Variants in NOTCH2NLC observed in about 807,000 individuals in gnomAD.
The protein encoded by NOTCH2NLC is notch homolog 2 N-terminal-like protein C.
A neutral mutation model predicts 17.7 loss-of-function variants in NOTCH2NLC; 4 were observed. The observed-to-expected ratio is 0.23, with a 90% CI of 0.11 to 0.52. NOTCH2NLC has a LOEUF of 0.52. Ranked by LOEUF, NOTCH2NLC falls within the 20% of genes least tolerant of loss-of-function variation. NOTCH2NLC has a pLI of 0.96. For missense variants in NOTCH2NLC, 57 were observed against 207.2 expected, an observed-to-expected ratio of 0.28 and a Z score of 4.45; for synonymous variants, 18 against 86.0, an observed-to-expected ratio of 0.21 and a Z score of 4.38.
Position 149,467,398 on chromosome 1 carries a change from CAA to C in NOTCH2NLC, c.*3246_*3247del, listed in dbSNP as rs1281459686. ...AGTATTTTAGTATTACTGTAGGACTCAAGAGGGAATTAAAACTACAAAAATGA... is the reference window on the plus strand; with the variant it reads ...AGTATTTTAGTATTACTGTAGGACTCGAGGGAATTAAAACTACAAAAATGA... On this transcript the variant is annotated 3_prime_UTR_variant, in exon 5 of 5. Coordinates refer to ENST00000650865, the MANE Select transcript of NOTCH2NLC (RefSeq NM_001364013.2). 1.4e-5 allele frequency: 2 copies of C among 144,878 alleles called. No individual in the cohort carries two copies. Among genetic ancestry groups the C allele is most frequent in the African/African-American group, 5.1e-5 (2 of 39,422 alleles). The allele number at this position is 144,878 out of a possible 1,614,324, so 9.0% of individuals were successfully genotyped here. A position where few individuals can be genotyped will look rare whatever the true frequency, so the allele number is the denominator to read the frequency against.
intron 2 of NOTCH2NLC, among the ~76,000 whole-genome samples, chr1:149,445,560 C>G (rs1218959236): frequency 7.3e-5 from 11 of 149,846 alleles, no homozygotes; most frequent in South Asian, 6.3e-4. Context: ...CAGCTCCCCC[C>G]TCTAGAGCTC....
At position 149,466,362 on chromosome 1, in the gene NOTCH2NLC, C is replaced by T. The variant is rs2084684280; in HGVS notation, c.*2209C>T. ...GCTTTTCAGGGTCCCATAATCTAAA[C>T]CAGATGACTTCAGCTTTGGATAAAT... On this transcript the variant is annotated 3_prime_UTR_variant, in exon 5 of 5. Coordinates refer to ENST00000650865, the MANE Select transcript of NOTCH2NLC (RefSeq NM_001364013.2). The T allele has an allele frequency of 7.0e-6, 1 of 142,344 alleles. No homozygotes were observed. The highest frequency in any genetic ancestry group is 1.5e-5 in the Non-Finnish European group (1 of 64,716). 8.8% of individuals were successfully genotyped at this position (142,344 alleles called of 1,614,324 possible). A position where few individuals can be genotyped will look rare whatever the true frequency, so the allele number is the denominator to read the frequency against.
chr1:149,414,951 A>G (rs1170083774), intron 1 of NOTCH2NLC, among the ~76,000 whole-genome samples: 5 of 132,870 alleles, frequency 3.8e-5, no homozygotes, highest in Non-Finnish European at 6.5e-5. Flanking sequence ...ATTAGGTTGT[A>G]TCTCTCCTTA....
rs1396746133 is a variant in NOTCH2NLC, at chr1:149,470,261, A to G, written c.*6108A>G. Among the ~76,000 whole-genome samples the G allele has an allele frequency of 1.3e-5, 2 of 151,138 alleles. No individual in the cohort carries two copies. Among genetic ancestry groups the G allele is most frequent in the Non-Finnish European group, 3.0e-5 (2 of 67,618 alleles). On this transcript the variant is annotated 3_prime_UTR_variant, in exon 5 of 5. Coordinates refer to ENST00000650865, the MANE Select transcript of NOTCH2NLC (RefSeq NM_001364013.2). ...ACAAATGCTATAATACCACTGACAA[A>G]TAATAATATTAGCTAATATGTGTAA... is the stretch of plus-strand genomic sequence containing the variant.
At chr1:149,461,819 C>T (rs1380532955) in intron 3 of NOTCH2NLC, among the ~76,000 whole-genome samples, 5,658 of 148,872 alleles carry the variant, frequency 0.038, 259 homozygotes, top group Admixed American at 0.059. Flanking sequence ...AGGATGAGTT[C>T]ATGTCCTTTG....
chr1:149,427,492 CTTTTTTTT>C (rs1171198772), intron 1 of NOTCH2NLC, among the ~76,000 whole-genome samples: 1 of 87,340 alleles, frequency 1.1e-5, no homozygotes, highest in African/African-American at 4.8e-5. Context: ...TCTACCACAG[CTTTTTTTT>C]TTTTTTTTTT....
intron 1 of NOTCH2NLC, among the ~76,000 whole-genome samples, chr1:149,415,929 CT>C (rs2101475715): frequency 6.6e-6 from 1 of 150,948 alleles, no homozygotes; most frequent in Non-Finnish European, 1.5e-5. Context: ...TTATTATAGA[CT>C]TATTATAGTT....
chr1:149,445,728 G>C (rs1287988920), intron 2 of NOTCH2NLC, among the ~76,000 whole-genome samples: 1 of 149,322 alleles, frequency 6.7e-6, no homozygotes. Context: ...CAGTGCCGAC[G>C]CAACCCACAT....
intron 2 of NOTCH2NLC, among the ~76,000 whole-genome samples, chr1:149,433,473 T>C (rs1415350899): frequency 6.6e-6 from 1 of 150,782 alleles, no homozygotes; most frequent in Non-Finnish European, 1.5e-5. Flanking sequence ...TTACTTCACA[T>C]AGCATTCAGG....
intron 1 of NOTCH2NLC, among the ~76,000 whole-genome samples, chr1:149,429,528 G>A (rs1376324384): frequency 6.6e-6 from 1 of 150,594 alleles, no homozygotes; most frequent in Non-Finnish European, 1.5e-5. Flanking sequence ...GCTAATTTAT[G>A]TAAAGTACTT....
intron 2 of NOTCH2NLC, among the ~76,000 whole-genome samples, chr1:149,443,587 G>A (rs1311543580): frequency 2.6e-5 from 4 of 151,128 alleles, no homozygotes; most frequent in Non-Finnish European, 5.9e-5. Context: ...TTTAAGTTGA[G>A]ACTTAATGAA....
At chr1:149,460,859 CTTT>C (rs2084641762) in intron 3 of NOTCH2NLC, among the ~76,000 whole-genome samples, 26 of 1,802 alleles carry the variant, frequency 0.014, no homozygotes, top group East Asian at 0.039. Flanking sequence ...TTCTCCCTTT[CTTT>C]CTTTCTTTCT....
intron 3 of NOTCH2NLC, among the ~76,000 whole-genome samples, chr1:149,462,735 G>A (rs1487865838): frequency 6.7e-6 from 1 of 149,740 alleles, no homozygotes; most frequent in Admixed American, 6.7e-5. Context: ...TTGCGCACAT[G>A]TATGTATGTG....
At chr1:149,419,070 TTTTC>T (rs1488597344) in intron 1 of NOTCH2NLC, among the ~76,000 whole-genome samples, 1 of 149,464 alleles carries the variant, frequency 6.7e-6, no homozygotes, top group Non-Finnish European at 1.5e-5. Context: ...TTTTCTTTTC[TTTTC>T]TTTCTTTTCT....
At chr1:149,460,652 T>C (rs1277208245) in intron 3 of NOTCH2NLC, among the ~76,000 whole-genome samples, 1 of 149,158 alleles carries the variant, frequency 6.7e-6, no homozygotes, top group Non-Finnish European at 1.5e-5. Flanking sequence ...TGATCATCTT[T>C]TATACATATG....
intron 2 of NOTCH2NLC, among the ~76,000 whole-genome samples, chr1:149,434,538 TAAGAA>T (rs1346867519): frequency 1.9e-4 from 15 of 79,626 alleles, no homozygotes; most frequent in South Asian, 1.2e-3. Context: ...CTTAGTGGAT[TAAGAA>T]AAGAAAGTTG....
intron 1 of NOTCH2NLC, among the ~76,000 whole-genome samples, chr1:149,424,917 G>A (rs2084404617): frequency 6.6e-6 from 1 of 151,176 alleles, no homozygotes; most frequent in African/African-American, 2.4e-5. Flanking sequence ...TACTGTGGGT[G>A]GGCACCAAGT....
rs1165196975 is a variant in NOTCH2NLC, at chr1:149,390,829, C to CGGCGGCGGAGGA, written c.44_45insCGGCGGAGGAGG (p.Gly15_Gly18dup). 2.3e-6 allele frequency: 3 copies of CGGCGGCGGAGGA among 1,287,310 alleles called. No homozygotes were observed. Among genetic ancestry groups the CGGCGGCGGAGGA allele is most frequent in the African/African-American group, 3.2e-5 (2 of 61,662 alleles). 79.7% of individuals were successfully genotyped at this position (1,287,310 alleles called of 1,614,324 possible). ...GCGGCGGCGGCGGCGGCGGCGGCGG[C>CGGCGGCGGAGGA]GGAGGAGGCGGCGACCGAGAAGATG... On this transcript the variant is annotated inframe_insertion, in exon 1 of 5. Transcript: ENST00000650865.
chr1:149,457,520 AAT>A (rs1232113673), intron 3 of NOTCH2NLC, among the ~76,000 whole-genome samples: 1 of 140,732 alleles, frequency 7.1e-6, no homozygotes, highest in African/African-American at 2.6e-5. Flanking sequence ...TGGCAATCTT[AAT>A]ATATATATAT....
Sources: gnomAD v4.1 joint callset for allele counts (sites outside exome capture counted in the v4.1 genomes callset) on GRCh38, gnomAD v4.1.1 for gene constraint, MANE v1.5 for transcripts, NCBI Gene and HGNC (gene_info 2026-07-23, HGNC 2026-07-21) for gene names.